FRMD5: variants seen among roughly 807,000 people sequenced by gnomAD.
FRMD5 encodes FERM domain containing 5.
Under a neutral mutation model 69.0 loss-of-function variants are expected in FRMD5, and 20 were observed. The ratio of observed to expected loss-of-function variants is 0.29; its 90% confidence interval spans 0.20 to 0.42. The LOEUF is 0.42. Among genes scored for constraint, FRMD5 ranks in the 10% least tolerant of loss-of-function variants. The pLI is 1.00. For synonymous variants in FRMD5, 271 were observed against 260.1 expected (o/e 1.04, Z -0.40); for missense variants, 595 against 708.6 (o/e 0.84, Z 1.82).
At chr15:44,050,656 CTTTTT>C (rs34621458) in intron 1 of FRMD5, among the ~76,000 whole-genome samples, 2 of 142,462 alleles carry the variant, frequency 1.4e-5, no homozygotes, top group Admixed American at 1.4e-4. Context: ...GCACACTGGC[CTTTTT>C]TTTTTTTCTT....
chr15:43,986,772 T>G (rs892769390), intron 1 of FRMD5, among the ~76,000 whole-genome samples: 2 of 152,046 alleles, frequency 1.3e-5, no homozygotes, highest in Non-Finnish European at 2.9e-5. Flanking sequence ...TTCACTTCAT[T>G]GTGCTTTGTA....
upstream of FRMD5, among the ~76,000 whole-genome samples, chr15:44,196,752 TTC>T (rs779388784): frequency 3.5e-3 from 250 of 71,610 alleles, 1 homozygote; most frequent in Non-Finnish European, 3.1e-3. Context: ...CTCTCTCTCT[TTC>T]TCTCTCTCTC....
intron 1 of FRMD5, among the ~76,000 whole-genome samples, chr15:44,168,938 C>T (rs1330439789): frequency 6.6e-6 from 1 of 152,172 alleles, no homozygotes; most frequent in Non-Finnish European, 1.5e-5. Context: ...CCTGTTGTTC[C>T]TTGATCAATA....
intron 1 of FRMD5, among the ~76,000 whole-genome samples, chr15:43,928,699 T>G (rs1566841592): frequency 1.3e-5 from 2 of 152,238 alleles, no homozygotes; most frequent in South Asian, 2.1e-4. Context: ...TTTCTTTTGA[T>G]GAGATGGCAA....
intron 11 of FRMD5, chr15:43,885,199 G>T (rs979793925): frequency 6.3e-5 from 13 of 206,714 alleles, no homozygotes; most frequent in African/African-American, 3.0e-4. Flanking sequence ...TGGAGACAGG[G>T]TCTTGCTCTG....
chr15:44,195,551 A>G (rs887849268), upstream of FRMD5, among the ~76,000 whole-genome samples: 3 of 152,166 alleles, frequency 2.0e-5, no homozygotes, highest in African/African-American at 4.8e-5. Context: ...TGAGCACCCA[A>G]CTGGATTGAT....
chr15:43,965,884 A>G lies in FRMD5; in HGVS notation c.103-41575T>C, dbSNP rs904003141. On this transcript the variant is annotated intron_variant, in intron 1 of 13. Coordinates refer to ENST00000417257, the MANE Select transcript of FRMD5 (RefSeq NM_032892.5). ...CGTGAGCCACCGCACCCGGCCTAAAAAGTCATTTTTTAAGATCCAAAGAAG... is the reference window on the plus strand; with the variant it reads ...CGTGAGCCACCGCACCCGGCCTAAAGAGTCATTTTTTAAGATCCAAAGAAG... 1.6e-4 allele frequency among the ~76,000 whole-genome samples: 25 copies of G among 152,068 alleles called. 1 individual carries two copies. The highest frequency in any genetic ancestry group is 2.4e-4 in the Non-Finnish European group (16 of 67,946).
chr15:43,922,358 AAGCTCTT>A (rs1036759150), intron 2 of FRMD5, among the ~76,000 whole-genome samples: 1 of 152,234 alleles, frequency 6.6e-6, no homozygotes, highest in Non-Finnish European at 1.5e-5. Context: ...AACATACGTG[AAGCTCTT>A]AGCTTAGTGC....
At chr15:44,173,694 AG>A (rs2077844284) in intron 1 of FRMD5, among the ~76,000 whole-genome samples, 1 of 151,914 alleles carries the variant, frequency 6.6e-6, no homozygotes, top group Non-Finnish European at 1.5e-5. Flanking sequence ...TTGTATCTGT[AG>A]TAGAGACAGG....
chr15:43,995,346 C>T (rs910352178), intron 1 of FRMD5, among the ~76,000 whole-genome samples: 15 of 152,148 alleles, frequency 9.9e-5, no homozygotes, highest in African/African-American at 3.6e-4. Flanking sequence ...TTGGTTAAAT[C>T]CATGGATGAA....
intron 1 of FRMD5, among the ~76,000 whole-genome samples, chr15:43,955,398 G>A (rs1266252373): frequency 2.6e-5 from 4 of 152,156 alleles, no homozygotes; most frequent in African/African-American, 9.7e-5. Flanking sequence ...GCTCTCTCAG[G>A]CTTAAAATAA....
At chr15:44,199,462 A>T (rs1000694337), upstream of FRMD5, among the ~76,000 whole-genome samples, 2 of 152,130 alleles carry the variant, frequency 1.3e-5, no homozygotes, top group African/African-American at 4.8e-5. Context: ...TACCTAGGTT[A>T]GGGTCCACTT....
chr15:44,178,883 T>C (rs1466032082), intron 1 of FRMD5, among the ~76,000 whole-genome samples: 1 of 151,994 alleles, frequency 6.6e-6, no homozygotes, highest in Non-Finnish European at 1.5e-5. Context: ...TCCCAGCTAC[T>C]TGGGCGGCTG....
chr15:44,001,741 G>C (rs1227270581), intron 1 of FRMD5, among the ~76,000 whole-genome samples: 1 of 151,856 alleles, frequency 6.6e-6, no homozygotes, highest in Non-Finnish European at 1.5e-5. Flanking sequence ...CAAGTAGCTG[G>C]GACTACAGGC....
intron 1 of FRMD5, among the ~76,000 whole-genome samples, chr15:43,987,344 T>C (rs1034964245): frequency 6.6e-6 from 1 of 152,188 alleles, no homozygotes; most frequent in African/African-American, 2.4e-5. Context: ...ATATTCAAAG[T>C]GCTACTCCAG....
At chr15:44,002,574 C>T (rs557318367) in intron 1 of FRMD5, among the ~76,000 whole-genome samples, 74 of 152,044 alleles carry the variant, frequency 4.9e-4, no homozygotes, top group South Asian at 2.1e-3. Flanking sequence ...AGGGGGTCCG[C>T]GTGAGAGGCT....
intron 1 of FRMD5, among the ~76,000 whole-genome samples, chr15:44,011,906 T>C (rs1890737820): frequency 6.6e-6 from 1 of 152,110 alleles, no homozygotes; most frequent in African/African-American, 2.4e-5. Context: ...TCGAGGAGCA[T>C]TTTTCACTAG....
chr15:43,992,187 G>C (rs1217575961), intron 1 of FRMD5, among the ~76,000 whole-genome samples: 1 of 152,124 alleles, frequency 6.6e-6, no homozygotes, highest in East Asian at 1.9e-4. Flanking sequence ...CAAACTTCCA[G>C]TTGGAGATTG....
chr15:43,929,833 T>C (rs910909978), intron 1 of FRMD5, among the ~76,000 whole-genome samples: 1 of 152,196 alleles, frequency 6.6e-6, no homozygotes, highest in African/African-American at 2.4e-5. Context: ...AAGACTTCCT[T>C]GCTTTCCTTC....
Sources: allele counts gnomAD v4.1 joint callset (sites outside exome capture counted in the v4.1 genomes callset), GRCh38; gene constraint gnomAD v4.1.1; transcripts MANE v1.5; gene names NCBI Gene and HGNC (gene_info 2026-07-23, HGNC 2026-07-21).